The following CTNNA3 variants were observed in gnomAD, a reference collection of about 807,000 sequenced individuals.
CTNNA3 encodes the protein catenin alpha-3.
CTNNA3 carries 76 observed loss-of-function variants against 95.7 expected under a neutral mutation model. The observed-to-expected ratio is 0.79, with a 90% confidence interval of 0.66 to 0.96. The LOEUF (loss-of-function observed/expected upper bound fraction) is 0.96. Ranked by LOEUF, CTNNA3 falls within the 40% of genes least tolerant of loss-of-function variation. The probability of loss-of-function intolerance (pLI) is 0.00; values close to 1 mark genes in which losing one functional copy is unlikely to be tolerated. For missense variants in CTNNA3, 1,191 were observed against 1,089.8 expected, an observed-to-expected ratio of 1.09 and a Z score of -1.31; for synonymous variants, 431 against 374.4, an observed-to-expected ratio of 1.15 and a Z score of -1.74.
chr10:67,685,788 ATCTG>A (rs768839562), intron 1 of CTNNA3, among the ~76,000 whole-genome samples: 2 of 151,304 alleles, frequency 1.3e-5, no homozygotes, highest in Non-Finnish European at 3.0e-5. Flanking sequence ...TGATTTCTTC[ATCTG>A]TCTGTCTCTT....
intron 10 of CTNNA3, among the ~76,000 whole-genome samples, chr10:66,602,260 C>T (rs114922729): frequency 4.9e-4 from 74 of 151,988 alleles, no homozygotes; most frequent in African/African-American, 1.7e-3. Context: ...CTACAAATGA[C>T]ATTTCATTTC....
chr10:66,193,763 C>A (rs889215032), intron 13 of CTNNA3, among the ~76,000 whole-genome samples: 1 of 152,070 alleles, frequency 6.6e-6, no homozygotes, highest in Non-Finnish European at 1.5e-5. Context: ...AGATTTCTTT[C>A]TAAAAAGCAT....
chr10:67,176,869 A>C, intron 7 of CTNNA3: 3 of 467,632 alleles, frequency 6.4e-6, no homozygotes, highest in South Asian at 4.6e-5. Flanking sequence ...GACCTCTAGA[A>C]ACTGGAAAAG....
intron 6 of CTNNA3, among the ~76,000 whole-genome samples, chr10:67,213,618 CAA>C (rs1864231094): frequency 1.3e-5 from 2 of 151,674 alleles, no homozygotes; most frequent in Admixed American, 1.3e-4. Flanking sequence ...CTATATCGCT[CAA>C]GTTTTGTTGT....
At position 66,429,195 on chromosome 10, in the gene CTNNA3, C is replaced by A. The variant is rs141850643; in HGVS notation, c.1532-49843G>T. On this transcript the variant is annotated intron_variant, in intron 11 of 17. Coordinates refer to ENST00000433211, the MANE Select transcript of CTNNA3 (RefSeq NM_013266.4). ...CCTCTACACATACACCCTCCCAAGA[C>A]TAAACCAGGAAGAAGTTGAATCTCT... 5.1e-3 allele frequency among the ~76,000 whole-genome samples: 769 copies of A among 152,260 alleles called. 17 individuals are homozygous for A. The highest frequency in any genetic ancestry group is 0.018 in the African/African-American group (747 of 41,536).
intron 7 of CTNNA3, among the ~76,000 whole-genome samples, chr10:67,090,116 CAAAG>C (rs1857542671): frequency 6.6e-6 from 1 of 152,044 alleles, no homozygotes; most frequent in African/African-American, 2.4e-5. Flanking sequence ...TTAAAAACCC[CAAAG>C]GTCTTCCTGA....
At chr10:66,036,819 G>A (rs2079572032) in intron 15 of CTNNA3, among the ~76,000 whole-genome samples, 1 of 150,478 alleles carries the variant, frequency 6.6e-6, no homozygotes, top group African/African-American at 2.4e-5. Flanking sequence ...CTATATTACA[G>A]AGACTTATCA....
intron 1 of CTNNA3, among the ~76,000 whole-genome samples, chr10:67,762,186 A>G (rs1458581364): frequency 9.3e-5 from 1 of 10,796 alleles, no homozygotes; most frequent in Non-Finnish European, 3.0e-4. Context: ...TAAATCAGCC[A>G]AAAAAAAAAA....
chr10:67,001,713 T>G (rs1851701460), intron 7 of CTNNA3, among the ~76,000 whole-genome samples: 2 of 152,080 alleles, frequency 1.3e-5, no homozygotes, highest in African/African-American at 4.8e-5. Flanking sequence ...AAACTGTGAT[T>G]TACATACATC....
At chr10:67,376,885 G>A (rs1843713049) in intron 5 of CTNNA3, among the ~76,000 whole-genome samples, 1 of 152,184 alleles carries the variant, frequency 6.6e-6, no homozygotes, top group Non-Finnish European at 1.5e-5. Flanking sequence ...AGATATTACA[G>A]CCTTGATACG....
chr10:65,967,739 C>T (rs917886512), intron 16 of CTNNA3, among the ~76,000 whole-genome samples: 1 of 152,106 alleles, frequency 6.6e-6, no homozygotes, highest in African/African-American at 2.4e-5. Context: ...TGGTAAATAG[C>T]TTTGGTTAAG....
chr10:67,683,763 G>C (rs1301027537), intron 1 of CTNNA3, among the ~76,000 whole-genome samples: 2 of 151,798 alleles, frequency 1.3e-5, no homozygotes, highest in Non-Finnish European at 2.9e-5. Flanking sequence ...TGTTCCTTTA[G>C]ATGTGTCCAG....
intron 6 of CTNNA3, among the ~76,000 whole-genome samples, chr10:67,211,289 A>G (rs1201706355): frequency 1.3e-5 from 2 of 151,980 alleles, no homozygotes; most frequent in African/African-American, 4.8e-5. Context: ...AAACATTACT[A>G]TAACTGGCTG....
At chr10:67,288,253 T>C (rs1286076336) in intron 5 of CTNNA3, among the ~76,000 whole-genome samples, 1 of 152,196 alleles carries the variant, frequency 6.6e-6, no homozygotes, top group African/African-American at 2.4e-5. Context: ...AAGTTAAGCT[T>C]GATGAAAAAT....
intron 14 of CTNNA3, among the ~76,000 whole-genome samples, chr10:66,084,245 C>T (rs1223593111): frequency 1.3e-5 from 2 of 151,786 alleles, no homozygotes; most frequent in East Asian, 1.9e-4. Flanking sequence ...GTTCTGCAGG[C>T]TCTGAAAGTA....
intron 3 of CTNNA3, among the ~76,000 whole-genome samples, chr10:67,566,731 T>C (rs147394077): frequency 0.01 from 1,557 of 152,132 alleles, 2 homozygotes; most frequent in African/African-American, 0.035. Context: ...TGTATGTTTA[T>C]TGCGGCACTC....
intron 13 of CTNNA3, among the ~76,000 whole-genome samples, chr10:66,181,476 A>T (rs2086034903): frequency 6.6e-6 from 1 of 152,174 alleles, no homozygotes; most frequent in African/African-American, 2.4e-5. Context: ...AATGACAGGT[A>T]ATGCTAGGCC....
chr10:66,563,126 T>A (rs1842603199), intron 10 of CTNNA3, among the ~76,000 whole-genome samples: 1 of 152,106 alleles, frequency 6.6e-6, no homozygotes, highest in African/African-American at 2.4e-5. Context: ...CTGTAGTATC[T>A]TTGTAATTGC....
intron 2 of CTNNA3, among the ~76,000 whole-genome samples, chr10:67,620,950 T>TATATATAC (rs1491566283): frequency 6.9e-6 from 1 of 144,296 alleles, no homozygotes; most frequent in African/African-American, 2.6e-5. Flanking sequence ...TATATATATA[T>TATATATAC]ACAGAAATGT....
Sources: allele counts gnomAD v4.1 joint callset (sites outside exome capture counted in the v4.1 genomes callset), GRCh38; gene constraint gnomAD v4.1.1; transcripts MANE v1.5; gene names NCBI Gene and HGNC (gene_info 2026-07-23, HGNC 2026-07-21).